Variants in PIEZO2 observed in about 807,000 individuals in gnomAD.
The protein encoded by PIEZO2 is piezo-type mechanosensitive ion channel component 2.
A neutral mutation model predicts 337.3 loss-of-function variants in PIEZO2; 172 were observed. That is an observed-to-expected ratio of 0.51 (90% CI 0.45 to 0.58). The LOEUF (loss-of-function observed/expected upper bound fraction) is 0.58, where lower values mean the gene tolerates loss of function less well. PIEZO2 is among the 20% of genes least tolerant of loss of function. The probability of loss-of-function intolerance (pLI) is 0.00; values close to 1 mark genes in which losing one functional copy is unlikely to be tolerated. For missense variants in PIEZO2, 3,028 were observed against 3,391.3 expected (o/e 0.89, Z 2.66); for synonymous variants, 1,251 against 1,228.5 (o/e 1.02, Z -0.38).
chr18:10,985,339 T>C (rs1454146248), intron 2 of PIEZO2, among the ~76,000 whole-genome samples: 5 of 151,690 alleles, frequency 3.3e-5, no homozygotes, highest in Non-Finnish European at 7.4e-5. Context: ...CACATGGGAG[T>C]GAACAGGTAA....
At chr18:10,674,864 AG>A (rs906154384) in intron 54 of PIEZO2, among the ~76,000 whole-genome samples, 2 of 152,194 alleles carry the variant, frequency 1.3e-5, no homozygotes, top group Non-Finnish European at 2.9e-5. Context: ...TCTTATTGTG[AG>A]GGGCAGACAT....
Position 10,857,014 on chromosome 18 carries a change from T to C in PIEZO2, c.690A>G (p.Leu230=). The change falls in exon 6 of 56, where the codon TTA becomes TTG. Residue 230 remains leucine, a synonymous_variant. Coordinates refer to ENST00000674853, the MANE Select transcript of PIEZO2 (RefSeq NM_001378183.1). The part of the protein sequence containing the change: ...TTAGKVVVTI[L]LGSSGMMLPS... Reference sequence around the variant, plus strand: ...GGAGACACTCACCCGAGGAGCCCAGTAAGATGGTAACAACGACTTTCCCAG... The same window carrying C: ...GGAGACACTCACCCGAGGAGCCCAGCAAGATGGTAACAACGACTTTCCCAG... The C allele has an allele frequency of 6.5e-7, 1 of 1,537,252 alleles. No homozygotes were observed. The highest frequency in any genetic ancestry group is 8.7e-7 in the Non-Finnish European group (1 of 1,146,912).
chr18:10,670,683 T>G lies in PIEZO2; in HGVS notation c.*844A>C, dbSNP rs987519578. 3 of 152,382 alleles carry G rather than the reference T, an allele frequency of 2.0e-5. No homozygotes were observed. Among genetic ancestry groups the G allele is most frequent in the Admixed American group, 6.5e-5 (1 of 15,272 alleles). 9.4% of individuals were successfully genotyped at this position (152,382 alleles called of 1,614,324 possible). A position where few individuals can be genotyped will look rare whatever the true frequency, so the allele number is the denominator to read the frequency against. On this transcript the variant is annotated 3_prime_UTR_variant, in exon 56 of 56. Coordinates refer to ENST00000674853, the MANE Select transcript of PIEZO2 (RefSeq NM_001378183.1). ...GGCAGAAGAGCGGTCCTGACCTCAG[T>G]TATTAAAGAGTTACAAAGTATTCTA...
intron 49 of PIEZO2, among the ~76,000 whole-genome samples, chr18:10,683,043 C>T (rs900691652): frequency 1.8e-4 from 28 of 152,248 alleles, no homozygotes; most frequent in Non-Finnish European, 3.8e-4. Flanking sequence ...TTCTGATCTA[C>T]ATGTGTGTTC....
chr18:10,928,897 C>T (rs886679951), intron 3 of PIEZO2, among the ~76,000 whole-genome samples: 6 of 152,198 alleles, frequency 3.9e-5, no homozygotes, highest in South Asian at 2.1e-4. Flanking sequence ...CGTCTACTCA[C>T]GGTGTCCAAA....
chr18:10,714,742 C>G, intron 39 of PIEZO2, 22 bp downstream of exon 39: 1 of 1,534,648 alleles, frequency 6.5e-7, no homozygotes, highest in Non-Finnish European at 8.7e-7. Context: ...AAAAGTAAAC[C>G]CATTGTTAGA....
chr18:10,759,664 T>C lies in PIEZO2; in HGVS notation c.3655+41A>G, dbSNP rs1301242595. ...TCCCAGCCGTCCGCTCAGTAATGGC[T>C]TCTTCTAAAAGTAGACGGCTCAAGG... On this transcript the variant is annotated intron_variant, in intron 25 of 55. Coordinates refer to ENST00000674853, the MANE Select transcript of PIEZO2 (RefSeq NM_001378183.1). This position sits in a 1 kb window ranked among gnomAD's most constrained non-coding sequence, Gnocchi z 5.5. 3.3e-6 allele frequency: 5 copies of C among 1,536,396 alleles called. No homozygotes were observed. In the East Asian group the frequency reaches 1.2e-4, roughly 38 times the overall value.
intron 33 of PIEZO2, chr18:10,738,694 T>C (rs2144133509): frequency 6.6e-6 from 1 of 152,328 alleles, no homozygotes; most frequent in East Asian, 1.9e-4. Context: ...ATTACTAAGT[T>C]GGAAATTAAC....
intron 29 of PIEZO2, among the ~76,000 whole-genome samples, chr18:10,749,511 G>A (rs1311726427): frequency 2.6e-5 from 4 of 151,964 alleles, no homozygotes; most frequent in Non-Finnish European, 5.9e-5. Flanking sequence ...AATAGAGAGA[G>A]CACTGTGTCC....
At chr18:10,785,107 G>T in intron 16 of PIEZO2, 150 bp from the exon 17 acceptor site, 2 of 771,814 alleles carry the variant, frequency 2.6e-6, no homozygotes, top group South Asian at 3.3e-5. Context: ...TATGGCTTTC[G>T]TTTCCACCAA....
In PIEZO2 at chr18:11,126,074, C is replaced by T. The variant is rs1225456364; in HGVS notation, c.64+22451G>A. On this transcript the variant is annotated intron_variant, in intron 1 of 55. Transcript: ENST00000674853. This position sits in a 1 kb window ranked among gnomAD's most constrained non-coding sequence, Gnocchi z 4.6. ...TTTCAGTCTGTACTTACCCTTAGAC[C>T]TGCATTACAAGTAGAACAGCGGGCA... Among the ~76,000 whole-genome samples the T allele has an allele frequency of 6.6e-6, 1 of 152,152 alleles. No homozygotes were observed. Among genetic ancestry groups the T allele is most frequent in the Non-Finnish European group, 1.5e-5 (1 of 68,034 alleles).
chr18:10,944,594 C>A (rs1394859574), intron 3 of PIEZO2, among the ~76,000 whole-genome samples: 1 of 135,484 alleles, frequency 7.4e-6, no homozygotes, highest in Non-Finnish European at 1.6e-5. Context: ...TAAAGAACAC[C>A]AAAGACAAAG....
At position 10,691,288 on chromosome 18, in the gene PIEZO2, G is replaced by C; in HGVS notation, c.7286C>G (p.Thr2429Arg). The change falls in exon 48 of 56, where the codon ACG (threonine) becomes AGG (arginine). Residue 2429 changes from threonine to arginine, a missense_variant. Transcript: ENST00000674853. Reference protein sequence around the residue: ...SAYQIRCGYPTRVLGNFLTKS... With the variant: ...SAYQIRCGYPRRVLGNFLTKS... ...GGTGAGGAAGTTCCCCAGGACTCGC[G>C]TTGGGTAGCCACAACGGATCTGGTA... 6.2e-7 allele frequency: 1 copy of C among 1,614,070 alleles called. No individual in the cohort carries two copies. Among genetic ancestry groups the C allele is most frequent in the Non-Finnish European group, 8.5e-7 (1 of 1,180,018 alleles).
chr18:11,018,005 G>A (rs2036176233), intron 2 of PIEZO2, among the ~76,000 whole-genome samples: 1 of 152,136 alleles, frequency 6.6e-6, no homozygotes, highest in Non-Finnish European at 1.5e-5. Context: ...ATAAAAAACA[G>A]AAATGTATTG....
intron 2 of PIEZO2, among the ~76,000 whole-genome samples, chr18:11,049,496 T>A (rs576577173): frequency 6.6e-6 from 1 of 152,180 alleles, no homozygotes; most frequent in Non-Finnish European, 1.5e-5. Context: ...CCAACTCAAG[T>A]GAACTAACTC....
intron 18 of PIEZO2, among the ~76,000 whole-genome samples, chr18:10,777,705 T>C (rs1433034281): frequency 6.6e-6 from 1 of 152,246 alleles, no homozygotes; most frequent in Non-Finnish European, 1.5e-5. Context: ...GATTCTAATT[T>C]GGAATATGTG....
chr18:10,745,303 C>G lies in PIEZO2; in HGVS notation c.4425-1072G>C, dbSNP rs144558894. Among the ~76,000 whole-genome samples the G allele has an allele frequency of 2.1e-4, 32 of 152,204 alleles. 1 individual carries two copies. The highest frequency in any genetic ancestry group is 3.9e-4 in the Admixed American group (6 of 15,284). ...GCATTTCCAATCTTTCCATCAGTAC[C>G]GAATTCTGTCCATTAACATGCAAAT... On this transcript the variant is annotated intron_variant, in intron 30 of 55. Coordinates refer to ENST00000674853, the MANE Select transcript of PIEZO2 (RefSeq NM_001378183.1).
chr18:10,984,780 T>C (rs763060586), intron 2 of PIEZO2, among the ~76,000 whole-genome samples: 2 of 152,042 alleles, frequency 1.3e-5, no homozygotes, highest in Non-Finnish European at 2.9e-5. Flanking sequence ...GAGGTCTTCA[T>C]AGAAAAGCAT....
At chr18:10,865,643 C>T (rs2041986190) in intron 5 of PIEZO2, among the ~76,000 whole-genome samples, 1 of 152,188 alleles carries the variant, frequency 6.6e-6, no homozygotes, top group African/African-American at 2.4e-5. Context: ...GTGTCTCCCG[C>T]TCCCAAACAT....
Sources: allele counts gnomAD v4.1 joint callset (sites outside exome capture counted in the v4.1 genomes callset), GRCh38; gene constraint gnomAD v4.1.1; non-coding constraint Gnocchi (gnomAD v3.1); transcripts MANE v1.5; gene names NCBI Gene and HGNC (gene_info 2026-07-23, HGNC 2026-07-21).